LRBA: variants seen among roughly 807,000 people sequenced by gnomAD.
The protein encoded by LRBA is lipopolysaccharide-responsive and beige-like anchor protein.
A neutral mutation model predicts 330.0 loss-of-function variants in LRBA; 176 were observed. The ratio of observed to expected loss-of-function variants is 0.53; its 90% CI spans 0.47 to 0.60. LRBA has a LOEUF of 0.60. Ranked by LOEUF, LRBA falls within the 20% of genes least tolerant of loss-of-function variation. The pLI, the probability that LRBA is intolerant of heterozygous loss-of-function variation, is 0.00. For synonymous variants in LRBA, 1,230 were observed against 1,193.0 expected (o/e 1.03, Z -0.64); for missense variants, 3,259 against 3,444.8 (o/e 0.95, Z 1.35).
chr4:150,359,021 A>G (rs897471348), intron 47 of LRBA, among the ~76,000 whole-genome samples: 2 of 152,188 alleles, frequency 1.3e-5, no homozygotes, highest in Non-Finnish European at 2.9e-5. Flanking sequence ...AAAGTAGAAC[A>G]TTTATTATGT....
At chr4:150,591,836 G>A (rs548964902) in intron 38 of LRBA, among the ~76,000 whole-genome samples, 138 of 152,180 alleles carry the variant, frequency 9.1e-4, no homozygotes, top group African/African-American at 3.1e-3. Flanking sequence ...GAGCAAAGAC[G>A]CAAATGAAAG....
intron 7 of LRBA, 45 bp from the exon 8 acceptor site, chr4:150,915,772 C>G: frequency 6.6e-7 from 1 of 1,524,864 alleles, no homozygotes; most frequent in Non-Finnish European, 8.9e-7. Context: ...TAACAATTAT[C>G]CCAATAACGC....
intron 35 of LRBA, among the ~76,000 whole-genome samples, chr4:150,754,062 C>A (rs1482492284): frequency 1.4e-5 from 2 of 144,378 alleles, no homozygotes. Flanking sequence ...GTTGAGACTC[C>A]ATCCAAAAAA....
intron 47 of LRBA, among the ~76,000 whole-genome samples, chr4:150,409,603 A>G (rs1206823926): frequency 2.6e-5 from 4 of 152,106 alleles, no homozygotes; most frequent in African/African-American, 4.8e-5. Context: ...CTTGTTCCCC[A>G]AAAGGATTTT....
intron 36 of LRBA, among the ~76,000 whole-genome samples, chr4:150,728,544 T>C (rs1332421203): frequency 6.6e-6 from 1 of 151,942 alleles, no homozygotes; most frequent in Non-Finnish European, 1.5e-5. Flanking sequence ...GTTCAATGTA[T>C]GCAAATCAAT....
intron 17 of LRBA, among the ~76,000 whole-genome samples, chr4:150,883,158 C>A (rs573415022): frequency 4.8e-4 from 73 of 151,986 alleles, no homozygotes; most frequent in Middle Eastern, 3.4e-3. Flanking sequence ...TTCATGGTGG[C>A]CTTCAAAAAT....
chr4:150,980,704 G>C (rs780275598), intron 2 of LRBA, among the ~76,000 whole-genome samples: 26 of 152,086 alleles, frequency 1.7e-4, no homozygotes, highest in Non-Finnish European at 2.9e-4. Context: ...AATTTCCCTT[G>C]TTTGCATATG....
chr4:150,534,723 G>T (rs1205303452), intron 40 of LRBA, among the ~76,000 whole-genome samples: 1 of 152,072 alleles, frequency 6.6e-6, no homozygotes, highest in East Asian at 1.9e-4. Context: ...ATATTATTTA[G>T]CATGTGAAAA....
intron 40 of LRBA, among the ~76,000 whole-genome samples, chr4:150,552,628 C>T (rs968261691): frequency 3.3e-5 from 5 of 152,050 alleles, no homozygotes; most frequent in African/African-American, 1.2e-4. Context: ...ACCATTTGAC[C>T]CAGCCATCCC....
chr4:150,590,605 T>C (rs559980802), intron 39 of LRBA, 108 bp downstream of exon 39: 1 of 869,454 alleles, frequency 1.2e-6, no homozygotes, highest in Non-Finnish European at 1.8e-6. Context: ...ATTAATGTAA[T>C]TGTGGGTATA....
intron 40 of LRBA, among the ~76,000 whole-genome samples, chr4:150,518,541 T>C (rs551579522): frequency 6.6e-6 from 1 of 152,194 alleles, no homozygotes; most frequent in East Asian, 1.9e-4. Context: ...CCTGCTTACC[T>C]TTTTTTCCCT....
chr4:150,994,632 A>T (rs1354557835), intron 2 of LRBA, among the ~76,000 whole-genome samples: 1 of 152,162 alleles, frequency 6.6e-6, no homozygotes. Flanking sequence ...TAACAAGGAG[A>T]AGGATACTAT....
At chr4:150,467,273 T>C (rs1241664060) in intron 44 of LRBA, among the ~76,000 whole-genome samples, 4 of 152,160 alleles carry the variant, frequency 2.6e-5, no homozygotes, top group East Asian at 1.9e-4. Flanking sequence ...AAAACTGTTA[T>C]GTAAATTAAC....
At chr4:150,491,168 C>G (rs1278833856) in intron 40 of LRBA, 133 bp from the exon 41 acceptor site, 1 of 418,774 alleles carries the variant, frequency 2.4e-6, no homozygotes, top group African/African-American at 2.1e-5. Flanking sequence ...TAGTTACAGA[C>G]ATAATTTGGA....
chr4:150,797,305 TG>T (rs1345813085), intron 34 of LRBA, among the ~76,000 whole-genome samples: 1 of 151,858 alleles, frequency 6.6e-6, no homozygotes, highest in Non-Finnish European at 1.5e-5. Context: ...GGTTTTGAAA[TG>T]GGTCAAAACC....
chr4:150,566,713 C>G (rs1441526456), intron 40 of LRBA, among the ~76,000 whole-genome samples: 2 of 152,074 alleles, frequency 1.3e-5, no homozygotes, highest in African/African-American at 4.8e-5. Context: ...TGACCTTTAT[C>G]TGTATACTTT....
At chr4:150,644,761 T>A (rs960754356) in intron 37 of LRBA, among the ~76,000 whole-genome samples, 9 of 151,928 alleles carry the variant, frequency 5.9e-5, no homozygotes, top group Middle Eastern at 3.4e-3. Context: ...TTTTTCAAAG[T>A]TGAGAAAACA....
At chr4:150,757,284 G>A (rs1354251597) in intron 35 of LRBA, among the ~76,000 whole-genome samples, 1 of 152,136 alleles carries the variant, frequency 6.6e-6, no homozygotes, top group Non-Finnish European at 1.5e-5. Context: ...ATTTCACAGA[G>A]TAACATCTCA....
intron 34 of LRBA, among the ~76,000 whole-genome samples, chr4:150,763,638 T>C (rs760955729): frequency 6.6e-5 from 10 of 151,744 alleles, no homozygotes; most frequent in African/African-American, 2.2e-4. Flanking sequence ...AGGAGAATGA[T>C]GACAAAAAGC....
Sources: allele counts gnomAD v4.1 joint callset (sites outside exome capture counted in the v4.1 genomes callset), GRCh38; gene constraint gnomAD v4.1.1; transcripts MANE v1.5; gene names NCBI Gene and HGNC (gene_info 2026-07-23, HGNC 2026-07-21).